ARMH4: variants seen among roughly 807,000 people sequenced by gnomAD.
ARMH4 encodes armadillo-like helical domain-containing protein 4.
A neutral mutation model predicts 61.9 loss-of-function variants in ARMH4; 49 were observed. The ratio of observed to expected loss-of-function variants is 0.79; its 90% CI spans 0.63 to 1.00. The LOEUF is 1.00. Ranked by LOEUF, ARMH4 falls within the 50% of genes least tolerant of loss-of-function variation. ARMH4 has a pLI of 0.00. For synonymous variants in ARMH4, 368 were observed against 341.5 expected (o/e 1.08, Z -0.85); for missense variants, 934 against 930.0 (o/e 1.00, Z -0.06).
intron 5 of ARMH4, among the ~76,000 whole-genome samples, chr14:58,083,455 T>C (rs535610158): frequency 2.6e-4 from 40 of 152,224 alleles, no homozygotes; most frequent in African/African-American, 8.9e-4. Flanking sequence ...TGGTGGCGTG[T>C]GCCTGTAGTC....
At chr14:58,150,325 C>T (rs539564295) in intron 1 of ARMH4, among the ~76,000 whole-genome samples, 12 of 152,296 alleles carry the variant, frequency 7.9e-5, no homozygotes, top group African/African-American at 2.6e-4. Flanking sequence ...AAGCAGTTTC[C>T]CTCTGCATAG....
At chr14:58,052,607 T>C (rs1308934958) in intron 5 of ARMH4, among the ~76,000 whole-genome samples, 2 of 152,146 alleles carry the variant, frequency 1.3e-5, no homozygotes, top group African/African-American at 4.8e-5. Flanking sequence ...CTGCTCCTTC[T>C]CAGCTTCTTT....
chr14:58,052,506 G>C (rs1378068988), intron 5 of ARMH4, among the ~76,000 whole-genome samples: 1 of 151,902 alleles, frequency 6.6e-6, no homozygotes, highest in Non-Finnish European at 1.5e-5. Flanking sequence ...GTTTGCCTCT[G>C]GGTGCATTCC....
At chr14:58,103,466 C>A (rs182588839) in intron 4 of ARMH4, among the ~76,000 whole-genome samples, 1 of 152,118 alleles carries the variant, frequency 6.6e-6, no homozygotes, top group East Asian at 1.9e-4. Context: ...GACCCCTCAG[C>A]CTCCAGAACG....
intron 5 of ARMH4, among the ~76,000 whole-genome samples, chr14:58,079,251 CTT>C (rs1885145088): frequency 6.6e-6 from 1 of 152,174 alleles, no homozygotes. Flanking sequence ...AAAAAAGAAA[CTT>C]ATTTCTCACA....
intron 5 of ARMH4, among the ~76,000 whole-genome samples, chr14:58,025,931 T>C (rs1179647088): frequency 1.3e-5 from 2 of 152,064 alleles, no homozygotes; most frequent in Admixed American, 6.6e-5. Context: ...TGCACTGATA[T>C]TTACAAAGAA....
rs995343479 is a variant in ARMH4, at chr14:58,015,457, G to A, written c.2090-3307C>T. 7.2e-5 allele frequency among the ~76,000 whole-genome samples: 11 copies of A among 152,180 alleles called. No individual in the cohort carries two copies. In the South Asian group the frequency reaches 1.2e-3, roughly 17 times the overall value. On this transcript the variant is annotated intron_variant, in intron 5 of 7. Coordinates refer to ENST00000267485, the MANE Select transcript of ARMH4 (RefSeq NM_001001872.4). The stretch of plus-strand genomic sequence containing the variant: ...TCCCCATCTAAGAACATGAGACCCC[G>A]GAGCGCCATGCCTTGTGCTTCTCAG...
chr14:58,016,670 G>C (rs2141140208), intron 5 of ARMH4, among the ~76,000 whole-genome samples: 1 of 152,294 alleles, frequency 6.6e-6, no homozygotes, highest in East Asian at 1.9e-4. Context: ...AGCCTTTCCA[G>C]TTGGCTCACA....
At chr14:58,026,818 A>G (rs1243486123) in intron 5 of ARMH4, among the ~76,000 whole-genome samples, 1 of 152,148 alleles carries the variant, frequency 6.6e-6, no homozygotes, top group South Asian at 2.1e-4. Context: ...GCTTCCACTG[A>G]TAAAAAGCCA....
chr14:58,005,113 C>G lies in ARMH4; in HGVS notation c.2191G>C (p.Ala731Pro). 6.2e-7 allele frequency: 1 copy of G among 1,614,000 alleles called. No homozygotes were observed. The highest frequency in any genetic ancestry group is 8.5e-7 in the Non-Finnish European group (1 of 1,179,940). The change falls in exon 7 of 8, where the codon GCC (alanine) becomes CCC (proline). Residue 731 changes from alanine to proline, a missense_variant. Physicochemically the swap from Ala to Pro is conservative, Grantham distance 27. Coordinates refer to ENST00000267485, the MANE Select transcript of ARMH4 (RefSeq NM_001001872.4). ...TTCATAACCTTAATGCTGTAGAGGG[C>G]TCCCAAGATGAACAAGGCTCCAGCT... ...GIAGALFILG[A>P]LYSIKVMNRR...
intron 5 of ARMH4, among the ~76,000 whole-genome samples, chr14:58,014,650 T>C (rs1882536502): frequency 6.6e-6 from 1 of 152,206 alleles, no homozygotes; most frequent in Non-Finnish European, 1.5e-5. Flanking sequence ...TTCCAATTTG[T>C]TCATTCAACA....
Position 58,139,114 on chromosome 14 carries a change from G to C in ARMH4, c.245C>G (p.Ser82Trp). 2 of 1,614,202 alleles carry C rather than the reference G, an allele frequency of 1.2e-6. No individual in the cohort carries two copies. Among genetic ancestry groups the C allele is most frequent in the Non-Finnish European group, 1.7e-6 (2 of 1,180,040 alleles). Reference protein sequence around the residue: ...EDPMMMSAVPSATSLNKAFSI... With the variant: ...EDPMMMSAVPWATSLNKAFSI... ...GAATGCTTTATTTAATGATGTTGCC[G>C]ATGGTACTGCTGACATCATCATTGG... The change falls in exon 2 of 8, where the codon TCG (serine) becomes TGG (tryptophan). Residue 82 changes from serine to tryptophan, a missense_variant. Transcript: ENST00000267485.
At chr14:58,128,218 C>T (rs1483231313) in intron 4 of ARMH4, among the ~76,000 whole-genome samples, 2 of 152,036 alleles carry the variant, frequency 1.3e-5, no homozygotes, top group South Asian at 2.1e-4. Flanking sequence ...AGAGTTAACC[C>T]ACATAAATTC....
intron 5 of ARMH4, among the ~76,000 whole-genome samples, chr14:58,044,288 T>G (rs543126930): frequency 2.0e-5 from 3 of 152,072 alleles, no homozygotes; most frequent in Non-Finnish European, 2.9e-5. Flanking sequence ...TGGAACAGAA[T>G]AGAGCCCTCA....
intron 5 of ARMH4, among the ~76,000 whole-genome samples, chr14:58,087,926 G>A (rs1885432721): frequency 6.6e-6 from 1 of 152,116 alleles, no homozygotes; most frequent in Admixed American, 6.6e-5. Context: ...TTCTTTTTAG[G>A]CTAGCACCTG....
chr14:58,110,539 A>C (rs1002157354), intron 4 of ARMH4, among the ~76,000 whole-genome samples: 7 of 152,154 alleles, frequency 4.6e-5, no homozygotes, highest in African/African-American at 1.7e-4. Context: ...TCTCTGAGTC[A>C]CTTCCAAATA....
intron 5 of ARMH4, among the ~76,000 whole-genome samples, chr14:58,089,529 A>T (rs191551538): frequency 6.6e-6 from 1 of 152,220 alleles, no homozygotes. Flanking sequence ...TTCAAAACAC[A>T]TGCATCTTAT....
intron 4 of ARMH4, among the ~76,000 whole-genome samples, chr14:58,099,027 C>T (rs926100863): frequency 3.3e-5 from 5 of 152,036 alleles, no homozygotes; most frequent in Non-Finnish European, 7.4e-5. Flanking sequence ...AGGTAGAACC[C>T]TGCTGATAAG....
At chr14:58,080,713 T>C (rs1192807576) in intron 5 of ARMH4, among the ~76,000 whole-genome samples, 1 of 152,180 alleles carries the variant, frequency 6.6e-6, no homozygotes. Flanking sequence ...GTTTGTTATA[T>C]GGCTATATTG....
Sources: allele counts gnomAD v4.1 joint callset (sites outside exome capture counted in the v4.1 genomes callset), GRCh38; gene constraint gnomAD v4.1.1; transcripts MANE v1.5; gene names NCBI Gene and HGNC (gene_info 2026-07-23, HGNC 2026-07-21).